The following CPEB3 variants were observed in gnomAD, a reference collection of about 807,000 sequenced individuals.
CPEB3 encodes cytoplasmic polyadenylation element binding protein 3, also known as cytoplasmic polyadenylation element-binding protein 3.
A neutral mutation model predicts 67.2 loss-of-function variants in CPEB3; 20 were observed. The ratio of observed to expected loss-of-function variants is 0.30; its 90% CI spans 0.21 to 0.43. CPEB3 has a LOEUF of 0.43. CPEB3 is among the 20% of genes least tolerant of loss of function. CPEB3 has a pLI of 1.00. For synonymous variants in CPEB3, 376 were observed against 393.1 expected, an observed-to-expected ratio of 0.96 and a Z score of 0.51; for missense variants, 746 against 968.6, an observed-to-expected ratio of 0.77 and a Z score of 3.05.
chr10:92,061,300 T>G (rs1232617023), intron 9 of CPEB3, among the ~76,000 whole-genome samples: 2 of 151,094 alleles, frequency 1.3e-5, no homozygotes, highest in Non-Finnish European at 2.9e-5. Flanking sequence ...GTGCCTGTAA[T>G]CCCAACTACT....
intron 7 of CPEB3, among the ~76,000 whole-genome samples, chr10:92,106,506 G>A (rs1844461544): frequency 6.6e-6 from 1 of 152,106 alleles, no homozygotes; most frequent in Non-Finnish European, 1.5e-5. Flanking sequence ...GAGTCTTTAA[G>A]GGTAGGAATT....
chr10:92,061,540 T>C (rs1842354915), intron 9 of CPEB3, among the ~76,000 whole-genome samples: 1 of 151,250 alleles, frequency 6.6e-6, no homozygotes, highest in Admixed American at 6.6e-5. Flanking sequence ...ACAACATGGA[T>C]AGAACTGGAG....
At chr10:92,081,009 C>T (rs549984682) in intron 9 of CPEB3, among the ~76,000 whole-genome samples, 4 of 152,288 alleles carry the variant, frequency 2.6e-5, no homozygotes, top group Non-Finnish European at 5.9e-5. Context: ...TCAAGCAGGT[C>T]ACTAGCTCTC....
chr10:92,239,815 G>A lies in CPEB3; in HGVS notation c.536C>T (p.Ala179Val). 4 of 1,443,930 alleles carry A rather than the reference G, an allele frequency of 2.8e-6. No homozygotes were observed. The highest frequency in any genetic ancestry group is 3.6e-6 in the Non-Finnish European group (4 of 1,101,216). The allele number at this position is 1,443,930 out of a possible 1,614,324, so 89.4% of individuals were successfully genotyped here. A position where few individuals can be genotyped will look rare whatever the true frequency, so the allele number is the denominator to read the frequency against. The change falls in exon 2 of 10, where the codon GCG becomes GTG. Residue 179 changes from alanine to valine, a missense_variant. This residue lies in a region of CPEB3 where 643 missense variants were observed against 717.5 expected (regional missense o/e 0.90). Coordinates refer to ENST00000265997, the MANE Select transcript of CPEB3 (RefSeq NM_014912.5). The surrounding 1 kb of genome is among the most constrained non-coding windows in gnomAD (Gnocchi z 6.0). ...CGGGGGCTGCGCCTGTGGTGGCTGC[G>A]CTGGCTGTGCCGGCTGCGGCGCGGG... ...PAPAPQPAQPAQPPQAQPPQQ... is the reference protein window; with the variant it reads ...PAPAPQPAQPVQPPQAQPPQQ...
chr10:92,115,239 C>T (rs376748778), intron 6 of CPEB3, among the ~76,000 whole-genome samples: 1 of 152,208 alleles, frequency 6.6e-6, no homozygotes, highest in African/African-American at 2.4e-5. Context: ...CTGCAACCTC[C>T]GCCTCCCGGA....
intron 9 of CPEB3, among the ~76,000 whole-genome samples, chr10:92,079,654 G>T (rs1212775893): frequency 5.9e-5 from 9 of 152,226 alleles, no homozygotes; most frequent in African/African-American, 2.2e-4. Context: ...CCTGGCTCTT[G>T]TAGTTTTTGA....
intron 9 of CPEB3, among the ~76,000 whole-genome samples, chr10:92,053,985 C>T (rs1590038875): frequency 1.3e-5 from 2 of 152,124 alleles, no homozygotes; most frequent in South Asian, 2.1e-4. Context: ...CATGCCTGGT[C>T]GAAATAGTAT....
intron 2 of CPEB3, among the ~76,000 whole-genome samples, chr10:92,209,884 C>T (rs1414206370): frequency 6.9e-6 from 1 of 144,818 alleles, no homozygotes; most frequent in African/African-American, 2.5e-5. Context: ...CTGCAGTGAG[C>T]CAAGCTGAGA....
chr10:92,120,554 A>C (rs1011412037), intron 6 of CPEB3, among the ~76,000 whole-genome samples: 1 of 152,114 alleles, frequency 6.6e-6, no homozygotes, highest in African/African-American at 2.4e-5. Flanking sequence ...ACTGCACTCC[A>C]CCCTGGGTGA....
intron 8 of CPEB3, among the ~76,000 whole-genome samples, chr10:92,083,681 A>G (rs950274424): frequency 6.6e-6 from 1 of 152,232 alleles, no homozygotes; most frequent in Non-Finnish European, 1.5e-5. Context: ...CTGTAGTGAA[A>G]TAAGAGAGGG....
At chr10:92,222,497 C>A (rs1850751218) in intron 2 of CPEB3, among the ~76,000 whole-genome samples, 1 of 152,066 alleles carries the variant, frequency 6.6e-6, no homozygotes, top group South Asian at 2.1e-4. Flanking sequence ...TTCATTTATT[C>A]AAAACGTTAT....
chr10:92,132,621 T>G (rs1406717641), intron 6 of CPEB3, among the ~76,000 whole-genome samples: 1 of 151,958 alleles, frequency 6.6e-6, no homozygotes, highest in African/African-American at 2.4e-5. Context: ...TTAAGAAGGT[T>G]AACAAGGATA....
chr10:92,062,269 C>T (rs1307598178), intron 9 of CPEB3, among the ~76,000 whole-genome samples: 3 of 147,356 alleles, frequency 2.0e-5, no homozygotes, highest in African/African-American at 7.4e-5. Context: ...AAAAATTAGC[C>T]AGGCATGGTG....
chr10:92,167,326 T>C (rs142775816), intron 4 of CPEB3, among the ~76,000 whole-genome samples: 82 of 152,372 alleles, frequency 5.4e-4, no homozygotes, highest in Admixed American at 1.2e-3. Flanking sequence ...GCCTAGCTTT[T>C]AGCCTGTCTC....
chr10:92,181,817 C>T (rs1764770217), intron 3 of CPEB3, among the ~76,000 whole-genome samples: 1 of 152,190 alleles, frequency 6.6e-6, no homozygotes, highest in Admixed American at 6.5e-5. Flanking sequence ...TACTCTTTAG[C>T]ACTTCACAAA....
At chr10:92,102,982 T>C (rs1844265373) in intron 7 of CPEB3, among the ~76,000 whole-genome samples, 1 of 151,962 alleles carries the variant, frequency 6.6e-6, no homozygotes, top group African/African-American at 2.4e-5. Flanking sequence ...CCCAGCACAG[T>C]GCCTAACCAT....
At chr10:92,273,366 T>C (rs558451956) in intron 1 of CPEB3, among the ~76,000 whole-genome samples, 74 of 152,290 alleles carry the variant, frequency 4.9e-4, no homozygotes, top group Middle Eastern at 3.4e-3. Flanking sequence ...ATCTGGTATA[T>C]AGTTGAAGCT....
chr10:92,271,276 T>G (rs1477104854), intron 1 of CPEB3, among the ~76,000 whole-genome samples: 1 of 152,234 alleles, frequency 6.6e-6, no homozygotes, highest in Non-Finnish European at 1.5e-5. Flanking sequence ...TTTTGCCCCA[T>G]ATTCTCCAAA....
intron 1 of CPEB3, among the ~76,000 whole-genome samples, chr10:92,262,531 A>G (rs1408345910): frequency 6.6e-6 from 1 of 152,092 alleles, no homozygotes; most frequent in Admixed American, 6.6e-5. Flanking sequence ...CAGGATTCCA[A>G]CCCAGGCAAT....
Sources: allele counts gnomAD v4.1 joint callset (sites outside exome capture counted in the v4.1 genomes callset), GRCh38; gene constraint gnomAD v4.1.1; regional missense constraint gnomAD v4.1.1; non-coding constraint Gnocchi (gnomAD v3.1); transcripts MANE v1.5; gene names NCBI Gene and HGNC (gene_info 2026-07-23, HGNC 2026-07-21).